Variants in ARHGEF1 observed in about 807,000 individuals in gnomAD.
ARHGEF1 encodes the protein 115 kDa guanine nucleotide exchange factor.
ARHGEF1 carries 40 observed loss-of-function variants against 119.7 expected under a neutral mutation model. That is an observed-to-expected ratio of 0.33 (90% CI 0.26 to 0.44). The LOEUF (loss-of-function observed/expected upper bound fraction) is 0.44, where lower values mean the gene tolerates loss of function less well. ARHGEF1 is among the 20% of genes least tolerant of loss of function. ARHGEF1 has a pLI of 1.00. For missense variants in ARHGEF1, 976 were observed against 1,268.3 expected, an observed-to-expected ratio of 0.77 and a Z score of 3.50; for synonymous variants, 494 against 521.0, an observed-to-expected ratio of 0.95 and a Z score of 0.71.
intron 18 of ARHGEF1, chr19:41,912,886 C>A: frequency 8.1e-7 from 1 of 1,231,236 alleles, no homozygotes; most frequent in Non-Finnish European, 1.0e-6. Context: ...GCGGGCGGGG[C>A]GAAGAGAAGG....
intron 14 of ARHGEF1, 74 bp from the exon 15 acceptor site, chr19:41,901,813 C>A: frequency 6.5e-7 from 1 of 1,544,894 alleles, no homozygotes; most frequent in Non-Finnish European, 8.7e-7. Flanking sequence ...CCTCATTCCT[C>A]TAGCCTGCCC....
At chr19:41,918,002 C>T (rs1043999648) in intron 18 of ARHGEF1, among the ~76,000 whole-genome samples, 4 of 151,932 alleles carry the variant, frequency 2.6e-5, no homozygotes, top group African/African-American at 7.3e-5. Context: ...GCTCAGGGGC[C>T]GGCCCTCGAC....
downstream of ARHGEF1, among the ~76,000 whole-genome samples, chr19:41,910,407 G>A (rs2074745161): frequency 6.6e-6 from 1 of 152,008 alleles, no homozygotes; most frequent in South Asian, 2.1e-4. This position sits in a 1 kb window ranked among gnomAD's most constrained non-coding sequence, Gnocchi z 4.4. Flanking sequence ...ACCCATGACA[G>A]TGAGGAGGAA....
At chr19:41,884,613 CGTCCAT>C (rs2074265939) in intron 1 of ARHGEF1, 2 of 1,358,196 alleles carry the variant, frequency 1.5e-6, no homozygotes, top group African/African-American at 2.9e-5. Context: ...AGACCCGCCA[CGTCCAT>C]GTAAGATTTG....
downstream of ARHGEF1, chr19:41,909,186 G>A (rs1456979444): frequency 4.9e-6 from 6 of 1,231,760 alleles, no homozygotes; most frequent in South Asian, 4.1e-5. The surrounding 1 kb of genome is among the most constrained non-coding windows in gnomAD (Gnocchi z 5.2). Flanking sequence ...GTCTAGAGAG[G>A]GAGTGGGAGA....
intron 1 of ARHGEF1, among the ~76,000 whole-genome samples, chr19:41,885,233 C>T (rs964853278): frequency 2.0e-5 from 3 of 152,140 alleles, no homozygotes; most frequent in African/African-American, 4.8e-5. Context: ...CCTAAACAGG[C>T]GACACTCCTC....
In ARHGEF1 at chr19:41,883,230, GCC is replaced by G. The variant is rs2074248735; in HGVS notation, c.-77_-76del. Reference sequence around the variant, plus strand: ...CAGGAAGCGGGAGCCGGGACCCAGGGCCCGGGATCGCCGAGCCCGACCTCGGG... The same window carrying G: ...CAGGAAGCGGGAGCCGGGACCCAGGGCGGGATCGCCGAGCCCGACCTCGGG... On this transcript the variant is annotated 5_prime_UTR_variant, in exon 1 of 29. Coordinates refer to ENST00000354532, the MANE Select transcript of ARHGEF1 (RefSeq NM_004706.4). The surrounding 1 kb of genome is among the most constrained non-coding windows in gnomAD (Gnocchi z 7.6). 1 of 200,806 alleles carries G rather than the reference GCC, an allele frequency of 5.0e-6. No homozygotes were observed. Among genetic ancestry groups the G allele is most frequent in the Non-Finnish European group, 1.1e-5 (1 of 89,586 alleles). 12.4% of individuals were successfully genotyped at this position (200,806 alleles called of 1,614,324 possible).
At position 41,888,127 on chromosome 19, in the gene ARHGEF1, G is replaced by A; in HGVS notation, c.24+21G>A. ...GGGCGGTGAGTGGACAGAGCAAGGG[G>A]TGAGGCGACTCTGGGGCTGTGGGTG... On this transcript the variant is annotated intron_variant, in intron 2 of 28. Transcript: ENST00000354532. The surrounding 1 kb of genome is among the most constrained non-coding windows in gnomAD (Gnocchi z 5.1). The A allele has an allele frequency of 6.2e-7, 1 of 1,614,086 alleles. No homozygotes were observed. The highest frequency in any genetic ancestry group is 8.5e-7 in the Non-Finnish European group (1 of 1,180,006).
rs141219513 is a variant in ARHGEF1 at position 41,902,939 on chromosome 19, T to C, written c.1738+41T>C. On this transcript the variant is annotated intron_variant, in intron 18 of 28. Coordinates refer to ENST00000354532, the MANE Select transcript of ARHGEF1 (RefSeq NM_004706.4). The surrounding 1 kb of genome is among the most constrained non-coding windows in gnomAD (Gnocchi z 6.5). ...ATCTCTGGGCCTCGGCTCTCCTCTT[T>C]TTTTTTTACATTTTTTTTCTCACTC... 1,876 of 1,492,710 alleles carry C rather than the reference T, an allele frequency of 1.3e-3. 7 individuals carry two copies. In the Middle Eastern group the frequency reaches 0.013, roughly 11 times the overall value. The allele number at this position is 1,492,710 out of a possible 1,614,324, so 92.5% of individuals were successfully genotyped here.
rs1555849197 is a variant in ARHGEF1 at position 41,902,369 on chromosome 19, G to C, written c.1497+13G>C. On this transcript the variant is annotated intron_variant, in intron 16 of 28. Transcript: ENST00000354532. This position sits in a 1 kb window ranked among gnomAD's most constrained non-coding sequence, Gnocchi z 6.5. ...GCTGCTGGCCCGGGTGAGATGCCCA[G>C]CCCTCCCGCTCCTCCCAGCTAGACA... 2 of 1,613,958 alleles carry C rather than the reference G, an allele frequency of 1.2e-6. No homozygotes were observed. Among genetic ancestry groups the C allele is most frequent in the Admixed American group, 1.7e-5 (1 of 60,026 alleles).
rs2074401832 is a variant in ARHGEF1, at chr19:41,892,974, T to C, written c.614+125T>C. The C allele has an allele frequency of 7.4e-7, 1 of 1,347,900 alleles. No homozygotes were observed. Among genetic ancestry groups the C allele is most frequent in the South Asian group, 1.6e-5 (1 of 63,704 alleles). The allele number at this position is 1,347,900 out of a possible 1,614,324, so 83.5% of individuals were successfully genotyped here. On this transcript the variant is annotated intron_variant, in intron 7 of 28. Transcript: ENST00000354532. This position sits in a 1 kb window ranked among gnomAD's most constrained non-coding sequence, Gnocchi z 6.3. ...AGGGTCAGAGTTCATTTCTTGGCAC[T>C]GGGGGTCTTCCTCTACCCTGGTGTT...
At chr19:41,900,159 C>T (rs1370896905) in intron 14 of ARHGEF1, among the ~76,000 whole-genome samples, 1 of 152,056 alleles carries the variant, frequency 6.6e-6, no homozygotes, top group Non-Finnish European at 1.5e-5. Context: ...CATGGTGAAA[C>T]CCCATCTCTA....
At chr19:41,923,214 G>A (rs1267508885) in exon 1 of ARHGEF1, 3 of 456,150 alleles carry the variant, frequency 6.6e-6, no homozygotes, top group African/African-American at 6.0e-5. Flanking sequence ...GGGATGAGGT[G>A]AGCCTGGACT....
rs370197690 is a variant in ARHGEF1, at chr19:41,902,526, G to C, written c.1498-7G>C. On this transcript the variant is annotated splice_polypyrimidine_tract_variant and splice_region_variant and intron_variant, in intron 16 of 28. Coordinates refer to ENST00000354532, the MANE Select transcript of ARHGEF1 (RefSeq NM_004706.4). The surrounding 1 kb of genome is among the most constrained non-coding windows in gnomAD (Gnocchi z 6.5). ...GAGACACCTGCCTGGCCTGAATCTC[G>C]CTGTAGTTTGATGGTGCTGAGGGCT... The C allele has an allele frequency of 1.2e-4, 192 of 1,613,800 alleles. No individual in the cohort carries two copies. The highest frequency in any genetic ancestry group is 1.5e-4 in the Non-Finnish European group (174 of 1,180,018).
At chr19:41,908,604 T>C, downstream of ARHGEF1, 2 of 1,231,592 alleles carry the variant, frequency 1.6e-6, no homozygotes, top group Non-Finnish European at 2.0e-6. This position sits in a 1 kb window ranked among gnomAD's most constrained non-coding sequence, Gnocchi z 6.7. Context: ...CGGGTTAAAG[T>C]TCCAGGGGTA....
At chr19:41,901,821 C>A in intron 14 of ARHGEF1, 66 bp from the exon 15 acceptor site, 2 of 1,561,040 alleles carry the variant, frequency 1.3e-6, no homozygotes, top group Non-Finnish European at 1.7e-6. Flanking sequence ...CTCTAGCCTG[C>A]CCATGAGGTC....
rs1555847075 is a variant in ARHGEF1, at chr19:41,894,466, C to T, written c.760C>T (p.Arg254Trp). Residue 254 changes from arginine to tryptophan, a missense_variant, in exon 10 of 29, where the codon CGG becomes TGG. Physicochemically the swap from Arg to Trp is moderately radical, Grantham distance 101 (BLOSUM62 -3). Around this residue, in one of 3 missense-constraint regions of ARHGEF1, gnomAD observed 519 missense variants for 580.9 expected, o/e 0.89. Coordinates refer to ENST00000354532, the MANE Select transcript of ARHGEF1 (RefSeq NM_004706.4). ...FFRKKVMGNR[R>W]SDEPAKTKKG... The stretch of plus-strand genomic sequence containing the variant: ...CCTCTCACAGGTGATGGGGAACCGG[C>T]GGTCGGACGAGCCTGCCAAGACCAA... The T allele has an allele frequency of 1.7e-5, 26 of 1,563,706 alleles. No individual in the cohort carries two copies. The highest frequency in any genetic ancestry group is 2.4e-5 in the South Asian group (2 of 82,624).
At chr19:41,899,751 A>G (rs1555848673) in intron 14 of ARHGEF1, among the ~76,000 whole-genome samples, 2 of 152,022 alleles carry the variant, frequency 1.3e-5, no homozygotes, top group African/African-American at 4.8e-5. Context: ...CAGCCTCCCA[A>G]AGTGCTGGGA....
Position 41,883,454 on chromosome 19 carries a change from G to C in ARHGEF1, c.-20+165G>C, listed in dbSNP as rs1236331079. ...GGCCTCAGTTTTCCCATCTGTCAAAGGGAGCAAAGAGGGGAGAACTCACAC... is the reference window on the plus strand; with the variant it reads ...GGCCTCAGTTTTCCCATCTGTCAAACGGAGCAAAGAGGGGAGAACTCACAC... On this transcript the variant is annotated intron_variant, in intron 1 of 28. Coordinates refer to ENST00000354532, the MANE Select transcript of ARHGEF1 (RefSeq NM_004706.4). The surrounding 1 kb of genome is among the most constrained non-coding windows in gnomAD (Gnocchi z 7.6). Among the ~76,000 whole-genome samples, 1 of 152,240 alleles carries C rather than the reference G, an allele frequency of 6.6e-6. No individual in the cohort carries two copies. The highest frequency in any genetic ancestry group is 1.5e-5 in the Non-Finnish European group (1 of 68,030).
Sources: allele counts gnomAD v4.1 joint callset (sites outside exome capture counted in the v4.1 genomes callset), GRCh38; gene constraint gnomAD v4.1.1; regional missense constraint gnomAD v4.1.1; non-coding constraint Gnocchi (gnomAD v3.1); transcripts MANE v1.5; gene names NCBI Gene and HGNC (gene_info 2026-07-23, HGNC 2026-07-21).